The following PRKN variants were observed in gnomAD, a reference collection of about 807,000 sequenced individuals.
PRKN encodes the protein parkin RBR E3 ubiquitin protein ligase.
In PRKN, 56 loss-of-function variants were observed where a neutral mutation model predicts 59.5. That is an observed-to-expected ratio of 0.94 (90% CI 0.76 to 1.18). The LOEUF is 1.18. PRKN is among the 50% of genes most tolerant of loss of function. The probability of loss-of-function intolerance (pLI) is 0.00; values close to 1 mark genes in which losing one functional copy is unlikely to be tolerated. For synonymous variants in PRKN, 250 were observed against 222.1 expected, an observed-to-expected ratio of 1.13 and a Z score of -1.12; for missense variants, 657 against 596.4, an observed-to-expected ratio of 1.10 and a Z score of -1.06.
intron 5 of PRKN, among the ~76,000 whole-genome samples, chr6:162,008,765 C>A (rs892519640): frequency 2.0e-5 from 3 of 152,086 alleles, no homozygotes; most frequent in African/African-American, 7.2e-5. Context: ...TGAATTAGAT[C>A]CTGGCATTAG....
intron 9 of PRKN, among the ~76,000 whole-genome samples, chr6:161,431,249 A>T (rs1055126974): frequency 6.6e-6 from 1 of 152,170 alleles, no homozygotes; most frequent in African/African-American, 2.4e-5. Flanking sequence ...TATATCATTA[A>T]CTGGAAAGAA....
intron 2 of PRKN, among the ~76,000 whole-genome samples, chr6:162,371,628 A>C (rs2128137126): frequency 6.6e-6 from 1 of 152,310 alleles, no homozygotes; most frequent in Middle Eastern, 3.4e-3. Flanking sequence ...TCTGGTATAT[A>C]ATAACCATTC....
intron 1 of PRKN, among the ~76,000 whole-genome samples, chr6:162,474,876 G>A (rs59857274): frequency 0.15 from 22,266 of 152,146 alleles, 1,816 homozygotes; most frequent in Non-Finnish European, 0.17. Flanking sequence ...GAAGTCCGAT[G>A]TAGCAAAAGG....
intron 7 of PRKN, among the ~76,000 whole-genome samples, chr6:161,697,386 T>C (rs1424965665): frequency 6.6e-6 from 1 of 152,196 alleles, no homozygotes; most frequent in Non-Finnish European, 1.5e-5. Context: ...AGGCATCTCT[T>C]TCTCTATGTA....
intron 1 of PRKN, among the ~76,000 whole-genome samples, chr6:162,562,982 C>CAG (rs201752654): frequency 1.3e-5 from 2 of 152,120 alleles, no homozygotes; most frequent in African/African-American, 2.4e-5. Context: ...TGGCTCAGAA[C>CAG]AGAGAGAGAG....
intron 1 of PRKN, among the ~76,000 whole-genome samples, chr6:162,531,601 T>C (rs1778518380): frequency 6.6e-6 from 1 of 152,000 alleles, no homozygotes; most frequent in African/African-American, 2.4e-5. Flanking sequence ...TTAATCCATC[T>C]GGGTGGGGCC....
intron 2 of PRKN, among the ~76,000 whole-genome samples, chr6:162,415,845 A>G (rs771863096): frequency 3.3e-5 from 5 of 152,188 alleles, no homozygotes; most frequent in Non-Finnish European, 7.3e-5. Flanking sequence ...AAATTTAAAT[A>G]AAGAAATGTA....
chr6:162,587,089 T>G (rs1781090773), intron 1 of PRKN, among the ~76,000 whole-genome samples: 1 of 152,214 alleles, frequency 6.6e-6, no homozygotes, highest in Non-Finnish European at 1.5e-5. Flanking sequence ...AAACATTTAA[T>G]TAAAATGTTT....
intron 7 of PRKN, among the ~76,000 whole-genome samples, chr6:161,712,657 A>T (rs1338384794): frequency 2.6e-5 from 4 of 151,228 alleles, no homozygotes; most frequent in African/African-American, 9.9e-5. Context: ...TGTAAGAAAC[A>T]ACACAGATGA....
At chr6:161,609,603 T>C (rs1009601163) in intron 7 of PRKN, among the ~76,000 whole-genome samples, 2 of 152,210 alleles carry the variant, frequency 1.3e-5, no homozygotes, top group Non-Finnish European at 2.9e-5. Flanking sequence ...TTCGGGCAGA[T>C]GGTTGGCAAA....
chr6:162,075,964 CT>C (rs201642343), intron 4 of PRKN, among the ~76,000 whole-genome samples: 233 of 132,952 alleles, frequency 1.8e-3, no homozygotes, highest in African/African-American at 2.9e-3. Context: ...GAAAGGCTTG[CT>C]TTTTTTTTTT....
intron 2 of PRKN, among the ~76,000 whole-genome samples, chr6:162,313,610 C>A (rs551383694): frequency 6.6e-6 from 1 of 152,160 alleles, no homozygotes; most frequent in South Asian, 2.1e-4. Flanking sequence ...GTCTCAGCCT[C>A]CCAAGTAGCT....
At chr6:161,411,087 C>A (rs1215588672) in intron 9 of PRKN, among the ~76,000 whole-genome samples, 1 of 152,106 alleles carries the variant, frequency 6.6e-6, no homozygotes, top group Non-Finnish European at 1.5e-5. Context: ...GGGATGCTGG[C>A]AAACTCTAGT....
At chr6:161,799,347 C>T (rs1016224331) in intron 6 of PRKN, among the ~76,000 whole-genome samples, 6 of 152,252 alleles carry the variant, frequency 3.9e-5, no homozygotes, top group South Asian at 4.1e-4. Flanking sequence ...GGGACAAAAG[C>T]GAGGCAAACA....
At chr6:161,427,898 C>A (rs138539379) in intron 9 of PRKN, among the ~76,000 whole-genome samples, 1 of 152,122 alleles carries the variant, frequency 6.6e-6, no homozygotes, top group Non-Finnish European at 1.5e-5. Context: ...TGACTCCAGG[C>A]GTGACTCCAG....
intron 4 of PRKN, among the ~76,000 whole-genome samples, chr6:162,131,043 C>T (rs989463804): frequency 1.3e-5 from 2 of 152,152 alleles, no homozygotes; most frequent in Non-Finnish European, 2.9e-5. Flanking sequence ...CATTCACAAT[C>T]ATTTCTATTT....
At chr6:161,669,522 C>T (rs142375312) in intron 7 of PRKN, among the ~76,000 whole-genome samples, 1 of 152,156 alleles carries the variant, frequency 6.6e-6, no homozygotes, top group South Asian at 2.1e-4. Context: ...TGTATGTTTC[C>T]GATGTTCCAA....
At chr6:161,851,167 C>G (rs938429191) in intron 6 of PRKN, among the ~76,000 whole-genome samples, 1 of 152,138 alleles carries the variant, frequency 6.6e-6, no homozygotes, top group African/African-American at 2.4e-5. Flanking sequence ...TAATGTCGTT[C>G]TCATGGGAGT....
At chr6:162,561,266 G>C (rs1779826863) in intron 1 of PRKN, among the ~76,000 whole-genome samples, 2 of 152,110 alleles carry the variant, frequency 1.3e-5, no homozygotes, top group African/African-American at 4.8e-5. Flanking sequence ...GGAATGCCAT[G>C]GTCACATTTT....
Sources: allele counts gnomAD v4.1 joint callset (sites outside exome capture counted in the v4.1 genomes callset), GRCh38; gene constraint gnomAD v4.1.1; transcripts MANE v1.5; gene names NCBI Gene and HGNC (gene_info 2026-07-23, HGNC 2026-07-21).